AKAP12: variants seen among roughly 807,000 people sequenced by gnomAD.
AKAP12 encodes A-kinase anchoring protein 12.
AKAP12 carries 32 observed loss-of-function variants against 79.9 expected under a neutral mutation model. The ratio of observed to expected loss-of-function variants is 0.40; its 90% confidence interval spans 0.30 to 0.54. AKAP12 has a LOEUF of 0.54. AKAP12 is among the 20% of genes least tolerant of loss of function. The pLI is 0.48. For missense variants in AKAP12, 2,074 were observed against 2,177.0 expected, an observed-to-expected ratio of 0.95 and a Z score of 0.94; for synonymous variants, 808 against 857.0, an observed-to-expected ratio of 0.94 and a Z score of 1.00.
chr6:151,247,183 A>C (rs532286990), intron 2 of AKAP12, among the ~76,000 whole-genome samples: 1 of 152,026 alleles, frequency 6.6e-6, no homozygotes, highest in Non-Finnish European at 1.5e-5. Flanking sequence ...AGGGAGGATC[A>C]CTTGAGAGAA....
chr6:151,254,351 A>T (rs1006666000), intron 2 of AKAP12, among the ~76,000 whole-genome samples: 1 of 125,438 alleles, frequency 8.0e-6, no homozygotes, highest in Non-Finnish European at 1.7e-5. Context: ...TGGCAGTTTT[A>T]GATTAGTCTT....
intron 2 of AKAP12, among the ~76,000 whole-genome samples, chr6:151,260,109 CTT>C (rs1562710644): frequency 6.6e-6 from 1 of 152,116 alleles, no homozygotes; most frequent in African/African-American, 2.4e-5. Flanking sequence ...CATACAGTCT[CTT>C]TTCTTACTGT....
chr6:151,252,935 C>T (rs938590070), intron 2 of AKAP12, among the ~76,000 whole-genome samples: 1 of 152,136 alleles, frequency 6.6e-6, no homozygotes, highest in Admixed American at 6.6e-5. Context: ...TTGGGGAATG[C>T]GTGTCTTTCC....
intron 2 of AKAP12, among the ~76,000 whole-genome samples, chr6:151,259,234 T>C (rs1462764207): frequency 6.6e-6 from 1 of 151,086 alleles, no homozygotes; most frequent in Non-Finnish European, 1.5e-5. Context: ...TTAGTAGAGA[T>C]GGGGTTTCAC....
intron 2 of AKAP12, among the ~76,000 whole-genome samples, chr6:151,245,638 C>CAG (rs1326760577): frequency 5.5e-5 from 6 of 108,876 alleles, no homozygotes; most frequent in Middle Eastern, 0.02. Context: ...GCCTGGGCGA[C>CAG]AGAGAGAGAC....
chr6:151,266,164 C>T (rs1186387720), intron 2 of AKAP12, among the ~76,000 whole-genome samples: 1 of 152,216 alleles, frequency 6.6e-6, no homozygotes, highest in Non-Finnish European at 1.5e-5. Flanking sequence ...TCTTTATCAA[C>T]TTGCATGAGA....
chr6:151,352,741 T>C lies in AKAP12; in HGVS notation c.4350T>C (p.His1450=). 1 of 1,614,204 alleles carries C rather than the reference T, an allele frequency of 6.2e-7. No individual in the cohort carries two copies. ...AAACGTTGGAGCCTGCAGGTGCACA[T>C]TTAGTTCTGGAAGAGAAATCCTCTG... The part of the protein sequence containing the change: ...TGETLEPAGA[H]LVLEEKSSEK... The change falls in exon 4 of 5, where the codon CAT becomes CAC. Residue 1450 remains histidine, a synonymous_variant. Transcript: ENST00000402676.
intron 2 of AKAP12, among the ~76,000 whole-genome samples, chr6:151,272,354 A>AC (rs1776201126): frequency 6.6e-6 from 1 of 151,252 alleles, no homozygotes; most frequent in East Asian, 1.9e-4. Flanking sequence ...CAAAAAAAAA[A>AC]AAAAACAAAA....
In AKAP12 at chr6:151,353,440, G is replaced by A. The variant is rs1224219132; in HGVS notation, c.5049G>A (p.Leu1683=). The change falls in exon 4 of 5, where the codon TTG becomes TTA. Residue 1683 remains leucine, a synonymous_variant. Coordinates refer to ENST00000402676, the MANE Select transcript of AKAP12 (RefSeq NM_005100.4). ...KSVPEDDGHA[L]LAERIEKSLV... ...TGCCAGAAGATGATGGTCATGCCTT[G>A]TTAGCAGAAAGAATAGAGAAGTCAC... The A allele has an allele frequency of 6.2e-7, 1 of 1,614,204 alleles. No individual in the cohort carries two copies.
At chr6:151,307,211 G>T (rs141174205) in intron 3 of AKAP12, among the ~76,000 whole-genome samples, 2 of 152,114 alleles carry the variant, frequency 1.3e-5, no homozygotes, top group South Asian at 2.1e-4. Flanking sequence ...GCCCAGAGAG[G>T]TGCCTTTTGT....
chr6:151,260,866 C>T (rs530068922), intron 2 of AKAP12, among the ~76,000 whole-genome samples: 22 of 152,050 alleles, frequency 1.4e-4, no homozygotes, highest in Admixed American at 2.6e-4. Context: ...GTGGTGCGCA[C>T]CTGTAGTCCC....
chr6:151,355,335 G>A (rs1378840492), intron 4 of AKAP12, among the ~76,000 whole-genome samples: 5 of 146,432 alleles, frequency 3.4e-5, no homozygotes, highest in African/African-American at 1.0e-4. Flanking sequence ...ACAGAATCTC[G>A]CTCTGTCGCC....
chr6:151,324,843 A>T, intron 3 of AKAP12: 1 of 985,462 alleles, frequency 1.0e-6, no homozygotes, highest in Non-Finnish European at 1.2e-6. Context: ...TGAAGCTTCA[A>T]TGAGAAAGAA....
intron 2 of AKAP12, among the ~76,000 whole-genome samples, chr6:151,301,999 G>C (rs187972260): frequency 6.6e-6 from 1 of 150,884 alleles, no homozygotes; most frequent in Non-Finnish European, 1.5e-5. Context: ...CTATGTGTGT[G>C]TAACATCTCT....
chr6:151,241,718 C>T (rs991428802), intron 2 of AKAP12, among the ~76,000 whole-genome samples: 1 of 150,482 alleles, frequency 6.6e-6, no homozygotes, highest in Non-Finnish European at 1.5e-5. Flanking sequence ...CTTGTGATAC[C>T]TTGTAGAAAG....
intron 3 of AKAP12, among the ~76,000 whole-genome samples, chr6:151,343,612 T>C (rs1293788243): frequency 6.6e-6 from 1 of 151,990 alleles, no homozygotes; most frequent in Non-Finnish European, 1.5e-5. Flanking sequence ...GGTGAAACCT[T>C]ATCTGTACAA....
Position 151,350,048 on chromosome 6 carries a change from G to A in AKAP12, c.1657G>A (p.Asp553Asn), listed in dbSNP as rs574490849. 37 of 1,614,138 alleles carry A rather than the reference G, an allele frequency of 2.3e-5. No individual in the cohort carries two copies. The highest frequency in any genetic ancestry group is 5.5e-5 in the South Asian group (5 of 91,072). ...ESGEHTQVPA[D>N]SPDSQEEQKG... ...AGGGGAGCACACTCAGGTTCCAGCC[G>A]ATTCTCCGGACAGCCAGGAGGAGCA... is the stretch of plus-strand genomic sequence containing the variant. Residue 553 changes from aspartate to asparagine, a missense_variant, in exon 4 of 5, where the codon GAT becomes AAT. This residue lies in a region of AKAP12 where 1,428 missense variants were observed against 1,451.0 expected (regional missense o/e 0.98). Transcript: ENST00000402676. The surrounding 1 kb of genome is among the most constrained non-coding windows in gnomAD (Gnocchi z 4.8).
chr6:151,329,762 A>G (rs1037524038), intron 3 of AKAP12, among the ~76,000 whole-genome samples: 1 of 152,204 alleles, frequency 6.6e-6, no homozygotes, highest in Non-Finnish European at 1.5e-5. Flanking sequence ...CTAGTCTGGC[A>G]GGTGTTGTTC....
At chr6:151,341,206 C>G (rs1038995351) in intron 3 of AKAP12, among the ~76,000 whole-genome samples, 1 of 152,072 alleles carries the variant, frequency 6.6e-6, no homozygotes, top group Admixed American at 6.5e-5. Context: ...CATGTGCCAC[C>G]ACGCCCGGCT....
Sources: allele counts gnomAD v4.1 joint callset (sites outside exome capture counted in the v4.1 genomes callset), GRCh38; gene constraint gnomAD v4.1.1; regional missense constraint gnomAD v4.1.1; non-coding constraint Gnocchi (gnomAD v3.1); transcripts MANE v1.5; gene names NCBI Gene and HGNC (gene_info 2026-07-23, HGNC 2026-07-21).